LOC128462377: variants seen among roughly 807,000 people sequenced by gnomAD.
chr16:89,393,750 C>T, the LOC128462377 span, among the ~76,000 whole-genome samples: 1 of 152,190 alleles, frequency 6.6e-6, no homozygotes, highest in East Asian at 1.9e-4. Context: ...CCAGCTGGGC[C>T]TATTGCCCTT....
chr16:89,376,591 C>A, the LOC128462377 span, among the ~76,000 whole-genome samples: 1 of 152,190 alleles, frequency 6.6e-6, no homozygotes, highest in Non-Finnish European at 1.5e-5. Flanking sequence ...GCGCCCACCA[C>A]CATGCCCGGC....
the LOC128462377 span, among the ~76,000 whole-genome samples, chr16:89,403,380 G>A: frequency 6.6e-6 from 1 of 152,176 alleles, no homozygotes; most frequent in African/African-American, 2.4e-5. Context: ...TCATCTGTCT[G>A]AGGATAGGAA....
the LOC128462377 span, among the ~76,000 whole-genome samples, chr16:89,401,832 G>A: frequency 4.7e-4 from 72 of 151,940 alleles, no homozygotes; most frequent in African/African-American, 1.5e-3. Flanking sequence ...GTGGTGATGC[G>A]TCTACAAGCC....
the LOC128462377 span, among the ~76,000 whole-genome samples, chr16:89,399,419 C>T: frequency 8.5e-5 from 13 of 152,298 alleles, no homozygotes; most frequent in East Asian, 1.2e-3. Context: ...AAGGACTACA[C>T]GCTGTACGGT....
chr16:89,322,687 G>A, the LOC128462377 span, among the ~76,000 whole-genome samples: 2 of 150,804 alleles, frequency 1.3e-5, no homozygotes, highest in Non-Finnish European at 1.5e-5. Context: ...GGAGGGTGGG[G>A]AAGGGGGAGT....
the LOC128462377 span, among the ~76,000 whole-genome samples, chr16:89,357,931 AAGT>A: frequency 6.6e-6 from 1 of 152,218 alleles, no homozygotes; most frequent in Non-Finnish European, 1.5e-5. Context: ...AAGTAATGAA[AAGT>A]AGTAAATCCT....
At chr16:89,328,028 C>A in the LOC128462377 span, among the ~76,000 whole-genome samples, 1 of 152,172 alleles carries the variant, frequency 6.6e-6, no homozygotes, top group Non-Finnish European at 1.5e-5. Context: ...TATCAAACAA[C>A]AAACATTAAT....
the LOC128462377 span, among the ~76,000 whole-genome samples, chr16:89,342,667 AAC>A: frequency 6.6e-6 from 1 of 152,212 alleles, no homozygotes; most frequent in Non-Finnish European, 1.5e-5. Flanking sequence ...TAAGAGAAAA[AAC>A]AAACTTGATA....
the LOC128462377 span, among the ~76,000 whole-genome samples, chr16:89,402,742 T>C: frequency 9.1e-6 from 1 of 109,304 alleles, no homozygotes; most frequent in Non-Finnish European, 1.9e-5. Flanking sequence ...TGGGGTGAGA[T>C]AGGGGGTATC....
chr16:89,329,228 C>T, the LOC128462377 span, among the ~76,000 whole-genome samples: 1 of 152,178 alleles, frequency 6.6e-6, no homozygotes. Flanking sequence ...CGAGGAGGCT[C>T]TAGGACCAGG....
chr16:89,364,284 T>A, the LOC128462377 span, among the ~76,000 whole-genome samples: 1 of 152,190 alleles, frequency 6.6e-6, no homozygotes, highest in Non-Finnish European at 1.5e-5. Context: ...TGCAGCTTCA[T>A]GAGTGATCCC....
At chr16:89,399,283 C>T in the LOC128462377 span, among the ~76,000 whole-genome samples, 1 of 152,114 alleles carries the variant, frequency 6.6e-6, no homozygotes, top group Admixed American at 6.5e-5. Context: ...TACAAGTGAC[C>T]CAAGACACTC....
At chr16:89,384,887 T>TTTTTTTTTTTTTTTTTTTTTTTG in the LOC128462377 span, among the ~76,000 whole-genome samples, 1 of 116,272 alleles carries the variant, frequency 8.6e-6, no homozygotes, top group Admixed American at 8.9e-5. Flanking sequence ...TTCTTTTTTT[T>TTTTTTTTTTTTTTTTTTTTTTTG]TTTTTTTTTT....
At chr16:89,381,331 CAA>C in the LOC128462377 span, among the ~76,000 whole-genome samples, 76 of 76,350 alleles carry the variant, frequency 1.0e-3, no homozygotes, top group African/African-American at 2.3e-3. Context: ...GACTCTGCTG[CAA>C]AAAAAAAAAA....
chr16:89,402,937 C>A, the LOC128462377 span, among the ~76,000 whole-genome samples: 1 of 152,138 alleles, frequency 6.6e-6, no homozygotes, highest in African/African-American at 2.4e-5. Flanking sequence ...AAGCAGGCAA[C>A]CTAGCCTGCC....
chr16:89,367,117 CT>C, the LOC128462377 span, among the ~76,000 whole-genome samples: 1 of 152,226 alleles, frequency 6.6e-6, no homozygotes, highest in Non-Finnish European at 1.5e-5. Flanking sequence ...CGGATACTCA[CT>C]ACCTCAACTC....
the LOC128462377 span, among the ~76,000 whole-genome samples, chr16:89,384,032 C>T: frequency 6.6e-6 from 1 of 152,248 alleles, no homozygotes. Context: ...CCAGCCTGGC[C>T]AACATGGCAA....
At chr16:89,326,380 C>T in the LOC128462377 span, among the ~76,000 whole-genome samples, 774 of 150,400 alleles carry the variant, frequency 5.1e-3, 3 homozygotes, top group Non-Finnish European at 8.5e-3. Context: ...CAGCCACCGC[C>T]CCCCCCACCC....
At chr16:89,369,701 G>C in the LOC128462377 span, among the ~76,000 whole-genome samples, 1 of 152,202 alleles carries the variant, frequency 6.6e-6, no homozygotes, top group South Asian at 2.1e-4. Flanking sequence ...ACAGGCATCT[G>C]CATCTGTGAT....
Sources: allele counts gnomAD v4.1 joint callset (sites outside exome capture counted in the v4.1 genomes callset), GRCh38; gene constraint gnomAD v4.1.1; transcripts MANE v1.5.